The following PER3 variants were observed in gnomAD, a reference collection of about 807,000 sequenced individuals.
The protein encoded by PER3 is period circadian regulator 3, also known as period circadian protein homolog 3.
Under a neutral mutation model 127.2 loss-of-function variants are expected in PER3, and 107 were observed. The observed-to-expected ratio is 0.84, with a 90% CI of 0.72 to 0.99. The LOEUF (loss-of-function observed/expected upper bound fraction) is 0.99. Ranked by LOEUF, PER3 falls within the 50% of genes least tolerant of loss-of-function variation. PER3 has a pLI of 0.00. For missense variants in PER3, 1,560 were observed against 1,525.8 expected (o/e 1.02, Z -0.37); for synonymous variants, 618 against 585.8 (o/e 1.05, Z -0.79).
At chr1:7,829,583 G>A (rs1045990883) in intron 18 of PER3, among the ~76,000 whole-genome samples, 6 of 152,150 alleles carry the variant, frequency 3.9e-5, no homozygotes, top group Admixed American at 3.9e-4. Context: ...GTGGAGGTGT[G>A]AAATAAAGGG....
intron 20 of PER3, 76 bp downstream of exon 20, chr1:7,836,021 G>A (rs959583643): frequency 1.4e-5 from 14 of 1,014,714 alleles, no homozygotes; most frequent in South Asian, 4.9e-5. Context: ...TTTTTGAGAC[G>A]GAGTCTCGCC....
intron 13 of PER3, among the ~76,000 whole-genome samples, chr1:7,814,015 G>A (rs2097234305): frequency 6.6e-6 from 1 of 152,170 alleles, no homozygotes; most frequent in South Asian, 2.1e-4. Context: ...CCCTCAAATG[G>A]AAATGTAACA....
intron 16 of PER3, among the ~76,000 whole-genome samples, chr1:7,824,712 A>T (rs900203245): frequency 6.6e-6 from 1 of 152,160 alleles, no homozygotes; most frequent in Non-Finnish European, 1.5e-5. Flanking sequence ...TAAATTTGCT[A>T]GGCAGGACAA....
chr1:7,798,300 A>C (rs2097154815), intron 6 of PER3, among the ~76,000 whole-genome samples: 1 of 152,112 alleles, frequency 6.6e-6, no homozygotes, highest in South Asian at 2.1e-4. Context: ...CTGTTTTTAC[A>C]CTCACAGTAA....
intron 9 of PER3, 41 bp from the exon 10 acceptor site, chr1:7,803,649 CTG>C (rs1287701357): frequency 8.1e-7 from 1 of 1,239,372 alleles, no homozygotes; most frequent in Non-Finnish European, 1.2e-6. Flanking sequence ...TAATCAGTAT[CTG>C]TGTTAAGTAA....
rs528738345 is a variant in PER3, at chr1:7,843,089, C to T, written c.*334C>T. 6.1e-6 allele frequency: 1 copy of T among 163,110 alleles called. No individual in the cohort carries two copies. The highest frequency in any genetic ancestry group is 1.9e-4 in the South Asian group (1 of 5,346). The allele number at this position is 163,110 out of a possible 1,614,324, so 10.1% of individuals were successfully genotyped here. On this transcript the variant is annotated 3_prime_UTR_variant, in exon 22 of 22. Coordinates refer to ENST00000377532, the MANE Select transcript of PER3 (RefSeq NM_001377275.1). Reference sequence around the variant, plus strand: ...ATTAGAAGTATAGCTAGAATGAGCCCCAAACCTTAGCCTCATTTATTTTGT... The same window carrying T: ...ATTAGAAGTATAGCTAGAATGAGCCTCAAACCTTAGCCTCATTTATTTTGT...
At chr1:7,803,613 A>C (rs1167182164) in intron 9 of PER3, 79 bp from the exon 10 acceptor site, 1 of 926,040 alleles carries the variant, frequency 1.1e-6, no homozygotes, top group Non-Finnish European at 1.6e-6. Flanking sequence ...AACATTTACA[A>C]ATAAATGGCT....
chr1:7,784,568 C>G, intron 1 of PER3, 86 bp from the exon 2 acceptor site: 1 of 231,092 alleles, frequency 4.3e-6, no homozygotes. Context: ...GAGGACCGCG[C>G]GGTCGGGGCG....
intron 16 of PER3, among the ~76,000 whole-genome samples, chr1:7,822,225 G>T (rs1320909700): frequency 6.6e-6 from 1 of 151,488 alleles, no homozygotes; most frequent in African/African-American, 2.4e-5. Context: ...GGGCAACATG[G>T]TGAGACTCTG....
chr1:7,786,708 C>T lies in PER3; in HGVS notation c.275-13C>T, dbSNP rs758601538. 1 of 1,371,730 alleles carries T rather than the reference C, an allele frequency of 7.3e-7. No individual in the cohort carries two copies. Among genetic ancestry groups the T allele is most frequent in the Non-Finnish European group, 1.0e-6 (1 of 958,776 alleles). 85.0% of individuals were successfully genotyped at this position (1,371,730 alleles called of 1,614,324 possible). On this transcript the variant is annotated splice_polypyrimidine_tract_variant and intron_variant, in intron 3 of 21. Transcript: ENST00000377532. ...GTCACTGGACTACCTGTTTATCTCC[C>T]TGTGTTTCTTAGCAAACAGTGAGTT...
rs781744521 is a variant in PER3, at chr1:7,798,657, T to A, written c.777T>A (p.Ile259=). ...EPCCLTVVEK[I]HSGYEAPRIP... is the part of the protein sequence containing the mutation. ...GCTGTCTCACTGTGGTTGAAAAGAT[T>A]CACTCTGGTTATGAAGGTAAGTCAG... Residue 259 remains isoleucine (I), a synonymous_variant, in exon 7 of 22, where the codon ATT becomes ATA. Coordinates refer to ENST00000377532, the MANE Select transcript of PER3 (RefSeq NM_001377275.1). 67 of 1,613,674 alleles carry A rather than the reference T, an allele frequency of 4.2e-5. No homozygotes were observed. Among genetic ancestry groups the A allele is most frequent in the Non-Finnish European group, 5.1e-5 (60 of 1,179,672 alleles).
intron 6 of PER3, among the ~76,000 whole-genome samples, chr1:7,796,666 A>G (rs2097147026): frequency 6.6e-6 from 1 of 150,792 alleles, no homozygotes. Context: ...TGTTGAAGAT[A>G]CTTTGGAGGG....
chr1:7,799,131 A>C (rs17031578), intron 7 of PER3, among the ~76,000 whole-genome samples: 10,914 of 152,286 alleles, frequency 0.072, 827 homozygotes, highest in East Asian at 0.27. Context: ...ATACATAGGC[A>C]GCTTCCATGT....
At chr1:7,792,828 A>C (rs186591552) in intron 5 of PER3, among the ~76,000 whole-genome samples, 1 of 152,318 alleles carries the variant, frequency 6.6e-6, no homozygotes, top group East Asian at 1.9e-4. Context: ...CAGCCTAGGA[A>C]TGGAAATGCA....
chr1:7,834,861 T>C (rs1337876560), intron 19 of PER3, among the ~76,000 whole-genome samples: 4 of 152,214 alleles, frequency 2.6e-5, no homozygotes, highest in Admixed American at 1.3e-4. Context: ...TGTTTTTAAT[T>C]CCTTCAAAGT....
chr1:7,795,518 G>C (rs1388768241), intron 6 of PER3, among the ~76,000 whole-genome samples: 1 of 152,194 alleles, frequency 6.6e-6, no homozygotes, highest in East Asian at 1.9e-4. Flanking sequence ...AGCCACACCG[G>C]TATCTGAGGG....
chr1:7,835,659 T>G, intron 19 of PER3, 103 bp from the exon 20 acceptor site: 2 of 748,470 alleles, frequency 2.7e-6, no homozygotes. Context: ...TTGGGCTGGC[T>G]GAGGAGGAGG....
chr1:7,794,564 A>G (rs1271829583), intron 6 of PER3, among the ~76,000 whole-genome samples: 2 of 152,228 alleles, frequency 1.3e-5, no homozygotes, highest in East Asian at 1.9e-4. Context: ...CTAGGAGTGT[A>G]TAAGAATCAC....
At chr1:7,804,311 C>CTTTT (rs79813451) in intron 10 of PER3, among the ~76,000 whole-genome samples, 1 of 120,460 alleles carries the variant, frequency 8.3e-6, no homozygotes, top group Non-Finnish European at 1.8e-5. Context: ...TTCTTTCTTT[C>CTTTT]TTTTTTTTTT....
Sources: gnomAD v4.1 joint callset for allele counts (sites outside exome capture counted in the v4.1 genomes callset) on GRCh38, gnomAD v4.1.1 for gene constraint, MANE v1.5 for transcripts, NCBI Gene and HGNC (gene_info 2026-07-23, HGNC 2026-07-21) for gene names.